The following PITX3 variants were observed in gnomAD, a reference collection of about 807,000 sequenced individuals.
PITX3 encodes the protein paired like homeodomain 3, also known as pituitary homeobox 3.
Under a neutral mutation model 14.2 loss-of-function variants are expected in PITX3, and 4 were observed. That is an observed-to-expected ratio of 0.28 (90% CI 0.14 to 0.65). The LOEUF (loss-of-function observed/expected upper bound fraction) is 0.65, where lower values mean the gene tolerates loss of function less well. PITX3 is among the 30% of genes least tolerant of loss of function. PITX3 has a pLI of 0.82. For missense variants in PITX3, 358 were observed against 426.8 expected (o/e 0.84, Z 1.42); for synonymous variants, 194 against 204.5 (o/e 0.95, Z 0.44).
intron 2 of PITX3, 75 bp downstream of exon 2, chr10:102,231,887 GC>G: frequency 1.3e-6 from 2 of 1,562,650 alleles, no homozygotes; most frequent in Non-Finnish European, 1.7e-6. Context: ...TCCCACCGGG[GC>G]TGCCCAGCCG....
chr10:102,240,827 C>A (rs951544445), intron 1 of PITX3, among the ~76,000 whole-genome samples: 3 of 152,258 alleles, frequency 2.0e-5, no homozygotes, highest in African/African-American at 7.2e-5. Context: ...CCTATTCCAA[C>A]TGCGGAGCAG....
chr10:102,230,405 C>T lies in PITX3; in HGVS notation c.*109G>A, dbSNP rs1278183404. The stretch of plus-strand genomic sequence containing the variant: ...AGCCGGTGCCCCCCAGCTGCCCAAA[C>T]ACCCCTTTCAGACCCTGGGGCGGGA... On this transcript the variant is annotated 3_prime_UTR_variant, in exon 4 of 4. Coordinates refer to ENST00000370002, the MANE Select transcript of PITX3 (RefSeq NM_005029.4). 3.4e-6 allele frequency: 5 copies of T among 1,482,084 alleles called. No individual in the cohort carries two copies. In the African/African-American group the frequency reaches 7.0e-5, roughly 21 times the overall value. The allele number at this position is 1,482,084 out of a possible 1,614,324, so 91.8% of individuals were successfully genotyped here.
intron 1 of PITX3, among the ~76,000 whole-genome samples, chr10:102,236,196 TC>T (rs2070389859): frequency 6.6e-6 from 1 of 151,950 alleles, no homozygotes; most frequent in South Asian, 2.1e-4. Flanking sequence ...AAGATTAAGC[TC>T]CCCCAAACTG....
chr10:102,231,234 G>C, intron 3 of PITX3, 133 bp from the exon 4 acceptor site: 1 of 904,530 alleles, frequency 1.1e-6, no homozygotes, highest in South Asian at 1.8e-5. Flanking sequence ...AGACGGGGTG[G>C]GAGGGAAGGA....
chr10:102,232,210 C>T (rs573692572), intron 1 of PITX3, 118 bp from the exon 2 acceptor site: 24 of 673,984 alleles, frequency 3.6e-5, no homozygotes, highest in South Asian at 3.4e-4. Context: ...AGCCGTAAAG[C>T]TGGGGCTGCG....
chr10:102,230,753 C>CG lies in PITX3; in HGVS notation c.669dup (p.Gly224ArgfsTer38). 4.7e-6 allele frequency: 7 copies of CG among 1,489,124 alleles called. No individual in the cohort carries two copies. The highest frequency in any genetic ancestry group is 1.3e-5 in the South Asian group (1 of 74,274). The allele number at this position is 1,489,124 out of a possible 1,614,324, so 92.2% of individuals were successfully genotyped here. A position where few individuals can be genotyped will look rare whatever the true frequency, so the allele number is the denominator to read the frequency against. On this transcript the variant is annotated frameshift_variant, in exon 4 of 4. Transcript: ENST00000370002. LOFTEE classifies it high-confidence loss of function. The stretch of plus-strand genomic sequence containing the variant: ...GAGGACACGGCGGCCGGAGCCAGCC[C>CG]GGGGGGGCCCCCGCCCAGGCCCTGC...
intron 1 of PITX3, among the ~76,000 whole-genome samples, chr10:102,238,163 C>T (rs1360792792): frequency 6.6e-6 from 1 of 152,158 alleles, no homozygotes; most frequent in African/African-American, 2.4e-5. Context: ...TTTCCTTTTC[C>T]TCCCCATCAT....
intron 1 of PITX3, among the ~76,000 whole-genome samples, chr10:102,232,742 A>T (rs2070283353): frequency 1.3e-5 from 2 of 152,202 alleles, no homozygotes; most frequent in African/African-American, 2.4e-5. Context: ...CTACATCTGC[A>T]AAAACTTAAA....
intron 1 of PITX3, among the ~76,000 whole-genome samples, chr10:102,236,952 T>C (rs908048481): frequency 6.6e-6 from 1 of 152,226 alleles, no homozygotes; most frequent in Non-Finnish European, 1.5e-5. Flanking sequence ...CCAGACTCTA[T>C]GGTTTGCTGA....
chr10:102,231,027 G>C lies in PITX3; in HGVS notation c.396C>G (p.Ser132Arg), dbSNP rs1273540810. The change falls in exon 4 of 4, where the codon AGC (serine) becomes AGG (arginine). Residue 132 changes from serine (S) to arginine (R), a missense_variant. Ser to Arg is a moderately radical substitution (Grantham distance 110). Coordinates refer to ENST00000370002, the MANE Select transcript of PITX3 (RefSeq NM_005029.4). ...CCAGCCCCCCGAGCGGCGCCGCGAA[G>C]CTGCCTTTGCATAGCTCGGCCTGCT... Reference protein sequence around the residue: ...RSQQAELCKGSFAAPLGGLVP... With the variant: ...RSQQAELCKGRFAAPLGGLVP... 2.5e-6 allele frequency: 4 copies of C among 1,600,582 alleles called. No homozygotes were observed. The highest frequency in any genetic ancestry group is 3.4e-6 in the Non-Finnish European group (4 of 1,175,108).
At chr10:102,235,202 C>T (rs2070361621) in intron 1 of PITX3, among the ~76,000 whole-genome samples, 1 of 147,480 alleles carries the variant, frequency 6.8e-6, no homozygotes, top group Non-Finnish European at 1.5e-5. Flanking sequence ...CTCCCTGGCC[C>T]CTCTGAACCT....
intron 1 of PITX3, among the ~76,000 whole-genome samples, chr10:102,234,191 C>A (rs2070326015): frequency 6.6e-6 from 1 of 152,174 alleles, no homozygotes; most frequent in Admixed American, 6.5e-5. Flanking sequence ...CAGGGAGGTG[C>A]AGATGGGCAG....
intron 1 of PITX3, among the ~76,000 whole-genome samples, chr10:102,233,547 G>C (rs933987710): frequency 6.6e-6 from 1 of 152,004 alleles, no homozygotes; most frequent in Non-Finnish European, 1.5e-5. Flanking sequence ...CAGGTGATCT[G>C]CCTGCCTCGG....
At chr10:102,232,749 T>G (rs2070283684) in intron 1 of PITX3, among the ~76,000 whole-genome samples, 1 of 152,154 alleles carries the variant, frequency 6.6e-6, no homozygotes, top group Admixed American at 6.5e-5. Flanking sequence ...TGCAAAAACT[T>G]AAAATCCTTC....
chr10:102,237,881 TCC>T (rs1333675051), intron 1 of PITX3, among the ~76,000 whole-genome samples: 1 of 150,196 alleles, frequency 6.7e-6, no homozygotes, highest in Non-Finnish European at 1.5e-5. Context: ...ACTGCCCTCC[TCC>T]CCCGCCCACC....
At chr10:102,237,200 A>G (rs1489076937) in intron 1 of PITX3, among the ~76,000 whole-genome samples, 3 of 151,922 alleles carry the variant, frequency 2.0e-5, no homozygotes, top group African/African-American at 7.3e-5. Context: ...CAGGATGGAA[A>G]GATGGACCGC....
chr10:102,232,459 G>T (rs1231290491), intron 1 of PITX3, among the ~76,000 whole-genome samples: 2 of 152,188 alleles, frequency 1.3e-5, no homozygotes, highest in Non-Finnish European at 2.9e-5. Flanking sequence ...AAGGCGGGTG[G>T]ATCACCTGAG....
Position 102,237,919 on chromosome 10 carries a change from C to A in PITX3, c.-13+3414G>T, listed in dbSNP as rs73346809. 4.6e-3 allele frequency among the ~76,000 whole-genome samples: 694 copies of A among 151,994 alleles called. 9 individuals carry two copies. Among genetic ancestry groups the A allele is most frequent in the African/African-American group, 0.015 (626 of 41,398 alleles). ...CCACTATGAGAAGCAATGCACCAAG[C>A]AGTAGGGGTCACTGGAGGCTTGTAT... On this transcript the variant is annotated intron_variant, in intron 1 of 3. Coordinates refer to ENST00000370002, the MANE Select transcript of PITX3 (RefSeq NM_005029.4).
intron 1 of PITX3, among the ~76,000 whole-genome samples, chr10:102,233,485 G>A (rs2070309028): frequency 1.3e-5 from 2 of 151,806 alleles, no homozygotes; most frequent in South Asian, 2.1e-4. Context: ...TGTATTTTTA[G>A]TAGAGACGGG....
Sources: allele counts gnomAD v4.1 joint callset (sites outside exome capture counted in the v4.1 genomes callset), GRCh38; gene constraint gnomAD v4.1.1; transcripts MANE v1.5; gene names NCBI Gene and HGNC (gene_info 2026-07-23, HGNC 2026-07-21).